Variants in C12orf42 observed in about 807,000 individuals in gnomAD.
The protein encoded by C12orf42 is uncharacterized protein C12orf42.
Under a neutral mutation model 21.6 loss-of-function variants are expected in C12orf42, and 25 were observed. The observed-to-expected ratio is 1.16, with a 90% CI of 0.84 to 1.62. The LOEUF (loss-of-function observed/expected upper bound fraction) is 1.62. Among genes scored for constraint, C12orf42 ranks in the 40% most tolerant of loss-of-function variants. C12orf42 has a pLI of 0.00. For synonymous variants in C12orf42, 174 were observed against 175.0 expected (o/e 0.99, Z 0.05); for missense variants, 483 against 459.3 (o/e 1.05, Z -0.47).
At chr12:103,552,228 T>C in the C12orf42 span, among the ~76,000 whole-genome samples, 1 of 152,202 alleles carries the variant, frequency 6.6e-6, no homozygotes, top group Non-Finnish European at 1.5e-5. Flanking sequence ...ACACTGGTGA[T>C]ATGAAGACTG....
chr12:103,467,037 G>A (rs1953193653), intron 2 of C12orf42, among the ~76,000 whole-genome samples: 1 of 152,164 alleles, frequency 6.6e-6, no homozygotes, highest in Non-Finnish European at 1.5e-5. Flanking sequence ...ACATGTGAGG[G>A]AGCCATGAGA....
At chr12:103,496,764 C>T (rs939439768), upstream of C12orf42, among the ~76,000 whole-genome samples, 1 of 147,368 alleles carries the variant, frequency 6.8e-6, no homozygotes, top group African/African-American at 2.5e-5. Flanking sequence ...CCAGGATGGA[C>T]ACCCTCCCCA....
chr12:103,320,006 G>A (rs1423533375), intron 4 of C12orf42, among the ~76,000 whole-genome samples: 1 of 152,124 alleles, frequency 6.6e-6, no homozygotes, highest in Non-Finnish European at 1.5e-5. Context: ...TTAACATGTG[G>A]CCTTGTGCAA....
At chr12:103,555,937 T>C in the C12orf42 span, among the ~76,000 whole-genome samples, 1 of 151,830 alleles carries the variant, frequency 6.6e-6, no homozygotes. Context: ...GCAGCTCCTA[T>C]CAGCTTGGGA....
intron 2 of C12orf42, among the ~76,000 whole-genome samples, chr12:103,450,544 T>C (rs1951870982): frequency 6.6e-6 from 1 of 152,090 alleles, no homozygotes; most frequent in Admixed American, 6.6e-5. Flanking sequence ...AGTGCATCAG[T>C]TATCTATTGA....
the C12orf42 span, among the ~76,000 whole-genome samples, chr12:103,184,706 T>A: frequency 2.8e-5 from 3 of 108,064 alleles, no homozygotes; most frequent in South Asian, 1.1e-3. Flanking sequence ...ATAGGCTGAA[T>A]TGTCACCCCC....
chr12:103,275,447 T>TATAAC (rs1244369427), intron 5 of C12orf42, among the ~76,000 whole-genome samples: 1 of 152,088 alleles, frequency 6.6e-6, no homozygotes, highest in Non-Finnish European at 1.5e-5. Context: ...AAATTAAATA[T>TATAAC]ATAACATCCT....
intron 2 of C12orf42, among the ~76,000 whole-genome samples, chr12:103,450,070 T>TTGAA (rs1951842329): frequency 6.6e-6 from 1 of 152,040 alleles, no homozygotes; most frequent in Non-Finnish European, 1.5e-5. Context: ...GAATTAATTG[T>TTGAA]ATATATTGAT....
rs200919713 is a variant in C12orf42 at position 103,306,131 on chromosome 12, G to C, written c.474C>G (p.Pro158=). 4.5e-5 allele frequency: 72 copies of C among 1,613,824 alleles called. No individual in the cohort carries two copies. Among genetic ancestry groups the C allele is most frequent in the Non-Finnish European group, 5.8e-5 (68 of 1,179,874 alleles). Residue 158 remains proline (P), a synonymous_variant, in exon 5 of 6, where the codon CCC becomes CCG. Coordinates refer to ENST00000548883, the MANE Select transcript of C12orf42 (RefSeq NM_198521.5). ...GETEERARGA[P]KQAWNSSFLE... ...AAAATGAACTGTTCCAAGCCTGCTT[G>C]GGTGCTCCTCTGGCTCTCTCCTCAG...
chr12:103,323,909 A>C lies in C12orf42; in HGVS notation c.260-17564T>G, dbSNP rs540989343. ...ACATGACTTAGTATCATATTGGATG[A>C]ATAAATTTTATCTTATTTTCTACAG... On this transcript the variant is annotated intron_variant, in intron 4 of 5. Coordinates refer to ENST00000548883, the MANE Select transcript of C12orf42 (RefSeq NM_198521.5). Among the ~76,000 whole-genome samples the C allele has an allele frequency of 3.3e-5, 5 of 152,318 alleles. No individual in the cohort carries two copies. In the South Asian group the frequency reaches 1.0e-3, roughly 32 times the overall value.
the C12orf42 span, among the ~76,000 whole-genome samples, chr12:103,226,796 G>A: frequency 6.6e-6 from 1 of 152,124 alleles, no homozygotes; most frequent in South Asian, 2.1e-4. Context: ...AAGACTCAAC[G>A]ACGCTTGTGG....
the C12orf42 span, among the ~76,000 whole-genome samples, chr12:103,068,469 A>G: frequency 1.3e-5 from 2 of 152,230 alleles, no homozygotes; most frequent in East Asian, 3.9e-4. Context: ...TCAGGTTGAC[A>G]AGAGGTGGAC....
At chr12:103,412,499 T>C (rs766160248) in intron 2 of C12orf42, among the ~76,000 whole-genome samples, 5 of 152,110 alleles carry the variant, frequency 3.3e-5, no homozygotes, top group Non-Finnish European at 7.4e-5. Context: ...CAAAACCCTG[T>C]CCCTACTAAA....
intron 10 of C12orf42, among the ~76,000 whole-genome samples, chr12:103,260,557 G>C (rs2034842948): frequency 6.6e-6 from 1 of 152,202 alleles, no homozygotes; most frequent in Admixed American, 6.5e-5. Flanking sequence ...ATGCTAACTA[G>C]TGGCAAAGAG....
intron 3 of C12orf42, among the ~76,000 whole-genome samples, chr12:103,381,066 G>T (rs1333638867): frequency 6.6e-6 from 1 of 152,178 alleles, no homozygotes; most frequent in Non-Finnish European, 1.5e-5. Context: ...GTCTCGAGCT[G>T]CTTGTATTAC....
At chr12:103,506,860 A>ATCTATTAAATATATATTTAATATAT in the C12orf42 span, among the ~76,000 whole-genome samples, 7 of 71,934 alleles carry the variant, frequency 9.7e-5, no homozygotes, top group Admixed American at 2.5e-4. Flanking sequence ...TTTATATATT[A>ATCTATTAAATATATATTTAATATAT]TATATATATA....
intron 10 of C12orf42, among the ~76,000 whole-genome samples, chr12:103,260,754 T>A (rs1593230524): frequency 2.6e-5 from 4 of 152,330 alleles, no homozygotes; most frequent in African/African-American, 9.6e-5. Flanking sequence ...AATGCATATC[T>A]GTTTTTGCAT....
the C12orf42 span, chr12:103,164,711 G>C: frequency 2.2e-6 from 1 of 455,168 alleles, no homozygotes; most frequent in South Asian, 1.6e-5. Flanking sequence ...CTTGGAGAGC[G>C]GAAACCATGA....
chr12:103,443,678 T>C (rs1262732552), intron 2 of C12orf42, among the ~76,000 whole-genome samples: 8 of 152,142 alleles, frequency 5.3e-5, no homozygotes, highest in Admixed American at 4.6e-4. Flanking sequence ...TTGAAGTCAT[T>C]CATTTGAAAC....
Sources: gnomAD v4.1 joint callset for allele counts (sites outside exome capture counted in the v4.1 genomes callset) on GRCh38, gnomAD v4.1.1 for gene constraint, MANE v1.5 for transcripts, NCBI Gene and HGNC (gene_info 2026-07-23, HGNC 2026-07-21) for gene names.